The following DDAH1 variants were observed in gnomAD, a reference collection of about 807,000 sequenced individuals.
The protein encoded by DDAH1 is N(G),N(G)-dimethylarginine dimethylaminohydrolase 1.
Under a neutral mutation model 28.8 loss-of-function variants are expected in DDAH1, and 19 were observed. The observed-to-expected ratio is 0.66, with a 90% CI of 0.46 to 0.97. The LOEUF (loss-of-function observed/expected upper bound fraction) is 0.97. Ranked by LOEUF, DDAH1 falls within the 50% of genes least tolerant of loss-of-function variation. DDAH1 has a pLI of 0.00. For synonymous variants in DDAH1, 153 were observed against 154.4 expected (o/e 0.99, Z 0.07); for missense variants, 326 against 375.9 (o/e 0.87, Z 1.10).
At chr1:85,398,660 G>C (rs986563288) in intron 1 of DDAH1, 1 of 152,216 alleles carries the variant, frequency 6.6e-6, no homozygotes, top group African/African-American at 2.4e-5. Flanking sequence ...ACCAGGTTGA[G>C]AATTTGCTAA....
intron 1 of DDAH1, among the ~76,000 whole-genome samples, chr1:85,419,192 T>C (rs1269495657): frequency 6.6e-6 from 1 of 152,130 alleles, no homozygotes; most frequent in Non-Finnish European, 1.5e-5. Context: ...ATATGAATGG[T>C]GTCTCCTGGA....
chr1:85,446,336 A>G (rs1375375239), intron 1 of DDAH1, among the ~76,000 whole-genome samples: 1 of 152,158 alleles, frequency 6.6e-6, no homozygotes, highest in Non-Finnish European at 1.5e-5. Context: ...AAACCATCAG[A>G]TCTCATGAGA....
chr1:85,534,545 A>AT (rs1217991471), intron 1 of DDAH1, among the ~76,000 whole-genome samples: 1 of 151,982 alleles, frequency 6.6e-6, no homozygotes, highest in Non-Finnish European at 1.5e-5. Flanking sequence ...GATATTAGTT[A>AT]TTTTTCTGCC....
intron 1 of DDAH1, among the ~76,000 whole-genome samples, chr1:85,364,790 T>C (rs1649979266): frequency 6.6e-6 from 1 of 152,124 alleles, no homozygotes; most frequent in Non-Finnish European, 1.5e-5. Flanking sequence ...GTGTTCCGCC[T>C]GTCTCAGCCT....
intron 1 of DDAH1, among the ~76,000 whole-genome samples, chr1:85,462,362 TAGTC>T (rs1655160099): frequency 6.6e-6 from 1 of 152,154 alleles, no homozygotes; most frequent in Non-Finnish European, 1.5e-5. Flanking sequence ...TTGAGAATTT[TAGTC>T]AGAGAAGGGA....
At chr1:85,561,127 T>C (rs1219225142) in intron 1 of DDAH1, among the ~76,000 whole-genome samples, 1 of 152,120 alleles carries the variant, frequency 6.6e-6, no homozygotes, top group Non-Finnish European at 1.5e-5. Flanking sequence ...GTTCCAACCT[T>C]AGCTTGACTA....
chr1:85,516,199 A>T (rs1173427145), intron 1 of DDAH1, among the ~76,000 whole-genome samples: 3 of 152,052 alleles, frequency 2.0e-5, no homozygotes, highest in African/African-American at 7.2e-5. Flanking sequence ...TTTGCTAGGG[A>T]GACTACAGTT....
chr1:85,496,168 A>C (rs1302275420), exon 2 of DDAH1: 5 of 922,860 alleles, frequency 5.4e-6, no homozygotes, highest in Non-Finnish European at 6.5e-6. Flanking sequence ...TAACTTACCT[A>C]ATATAAATTT....
chr1:85,413,370 T>G (rs981164587), intron 1 of DDAH1, among the ~76,000 whole-genome samples: 2 of 152,238 alleles, frequency 1.3e-5, no homozygotes, highest in African/African-American at 4.8e-5. Flanking sequence ...GATAATCAGC[T>G]GGGGTTTGGA....
At chr1:85,386,496 T>A (rs982865035) in intron 1 of DDAH1, among the ~76,000 whole-genome samples, 1 of 152,312 alleles carries the variant, frequency 6.6e-6, no homozygotes, top group Middle Eastern at 3.4e-3. Context: ...AGCACACCGG[T>A]GCAAGGGGTG....
chr1:85,482,920 G>A (rs925761432), intron 2 of DDAH1, among the ~76,000 whole-genome samples: 3 of 152,048 alleles, frequency 2.0e-5, no homozygotes, highest in Non-Finnish European at 4.4e-5. Flanking sequence ...GGAAGAAGGG[G>A]ACAACAATAA....
chr1:85,496,259 G>T (rs1570608836), exon 2 of DDAH1: 1 of 983,780 alleles, frequency 1.0e-6, no homozygotes, highest in East Asian at 1.1e-4. Context: ...AGTTACCAGA[G>T]CTCCTTTTCC....
intron 1 of DDAH1, among the ~76,000 whole-genome samples, chr1:85,359,368 C>T (rs1649665754): frequency 6.6e-6 from 1 of 151,986 alleles, no homozygotes; most frequent in South Asian, 2.1e-4. Flanking sequence ...AGGCAAGGCA[C>T]CCAATTCTGA....
chr1:85,566,103 A>C (rs2100557271), intron 1 of DDAH1, among the ~76,000 whole-genome samples: 1 of 152,040 alleles, frequency 6.6e-6, no homozygotes, highest in African/African-American at 2.4e-5. Flanking sequence ...CAACCAAAAA[A>C]CAAAAAACCA....
At chr1:85,341,411 G>C (rs1048056618) in intron 4 of DDAH1, among the ~76,000 whole-genome samples, 7 of 152,356 alleles carry the variant, frequency 4.6e-5, no homozygotes, top group African/African-American at 1.7e-4. Context: ...ATATCCAACT[G>C]AATAGTTATA....
intron 1 of DDAH1, among the ~76,000 whole-genome samples, chr1:85,572,165 C>T (rs1659475704): frequency 6.6e-6 from 1 of 152,052 alleles, no homozygotes; most frequent in Admixed American, 6.5e-5. Context: ...TTTTTCCTCC[C>T]AGAGGAAATA....
At chr1:85,487,327 T>A (rs890948229) in intron 2 of DDAH1, among the ~76,000 whole-genome samples, 1 of 152,180 alleles carries the variant, frequency 6.6e-6, no homozygotes, top group African/African-American at 2.4e-5. Context: ...CCAACGCAGA[T>A]CCAAGAAAAG....
At chr1:85,478,892 C>G (rs1057020286) in intron 2 of DDAH1, among the ~76,000 whole-genome samples, 4 of 152,030 alleles carry the variant, frequency 2.6e-5, no homozygotes, top group Non-Finnish European at 4.4e-5. Flanking sequence ...GGGGGATAGT[C>G]TAAAGCATAT....
intron 1 of DDAH1, among the ~76,000 whole-genome samples, chr1:85,360,238 A>G (rs539198469): frequency 2.6e-5 from 4 of 152,340 alleles, no homozygotes; most frequent in African/African-American, 9.6e-5. Flanking sequence ...TAAAATAAAT[A>G]TATCATCTCA....
Sources: allele counts gnomAD v4.1 joint callset (sites outside exome capture counted in the v4.1 genomes callset), GRCh38; gene constraint gnomAD v4.1.1; transcripts MANE v1.5; gene names NCBI Gene and HGNC (gene_info 2026-07-23, HGNC 2026-07-21).